Variants in CDH18 observed in about 807,000 individuals in gnomAD.
The protein encoded by CDH18 is cadherin-18.
A neutral mutation model predicts 67.9 loss-of-function variants in CDH18; 31 were observed. That is an observed-to-expected ratio of 0.46 (90% CI 0.34 to 0.62). The LOEUF is 0.62. Among genes scored for constraint, CDH18 ranks in the 20% least tolerant of loss-of-function variants. The pLI, the probability that CDH18 is intolerant of heterozygous loss-of-function variation, is 0.01. For missense variants in CDH18, 890 were observed against 975.5 expected, an observed-to-expected ratio of 0.91 and a Z score of 1.17; for synonymous variants, 362 against 347.2, an observed-to-expected ratio of 1.04 and a Z score of -0.48.
In CDH18 at chr5:19,576,645, T is replaced by C. The variant is rs541176436; in HGVS notation, c.1000-4813A>G. Among the ~76,000 whole-genome samples the C allele has an allele frequency of 2.6e-5, 4 of 152,264 alleles. No homozygotes were observed. The East Asian group carries it at 7.7e-4, about 29-fold the overall frequency. Reference sequence around the variant, plus strand: ...AAGGAAACACAGGACTGTGGTTTTGTAAATTAGTACAGCCATTTTGGAAAA... The same window carrying C: ...AAGGAAACACAGGACTGTGGTTTTGCAAATTAGTACAGCCATTTTGGAAAA... On this transcript the variant is annotated intron_variant, in intron 7 of 12. Coordinates refer to ENST00000382275, the MANE Select transcript of CDH18 (RefSeq NM_004934.5).
rs1418042662 is a variant in CDH18, at chr5:19,579,033, T to A, written c.1000-7201A>T. ...TTTTACTAAATATTCTATAGGCGCT[T>A]GAATTAAATGATATAGCCCCAGAAT... On this transcript the variant is annotated intron_variant, in intron 7 of 12. Coordinates refer to ENST00000382275, the MANE Select transcript of CDH18 (RefSeq NM_004934.5). Among the ~76,000 whole-genome samples, 4 of 151,990 alleles carry A rather than the reference T, an allele frequency of 2.6e-5. No homozygotes were observed. In the East Asian group the frequency reaches 7.7e-4, roughly 29 times the overall value.
intron 6 of CDH18, among the ~76,000 whole-genome samples, chr5:19,594,891 C>T (rs1297731788): frequency 6.6e-6 from 1 of 151,712 alleles, no homozygotes; most frequent in Non-Finnish European, 1.5e-5. Context: ...GCAAGGATGC[C>T]CACTCTTACC....
intron 1 of CDH18, among the ~76,000 whole-genome samples, chr5:20,523,263 T>G (rs1755854819): frequency 6.6e-6 from 1 of 152,208 alleles, no homozygotes; most frequent in Non-Finnish European, 1.5e-5. Flanking sequence ...CTTTCTATTC[T>G]TTGCAATCAG....
intron 2 of CDH18, among the ~76,000 whole-genome samples, chr5:20,123,821 A>G (rs2126432781): frequency 7.0e-6 from 1 of 142,928 alleles, no homozygotes; most frequent in South Asian, 2.3e-4. Flanking sequence ...CCGGAGGCGG[A>G]GCTTGCAGTG....
rs552698664 is a variant in CDH18, at chr5:20,179,797, A to G, written c.-518+75647T>C. On this transcript the variant is annotated intron_variant, in intron 2 of 14. Coordinates refer to the CDH18 transcript ENST00000507958. ...CCCATTTTTATCCCTGTAGCTCTCA[A>G]TAATTGGCTAAAGGTGAAGACAGAC... 2.6e-5 allele frequency among the ~76,000 whole-genome samples: 4 copies of G among 152,224 alleles called. No homozygotes were observed. The South Asian group carries it at 6.2e-4, about 24-fold the overall frequency.
intron 2 of CDH18, among the ~76,000 whole-genome samples, chr5:19,971,858 AAG>A (rs35822383): frequency 0.5 from 63,086 of 126,698 alleles, 15,347 homozygotes; most frequent in Middle Eastern, 0.67. Context: ...TAAAAAAAAA[AAG>A]AGAGAGAGAG....
At chr5:19,988,976 C>T (rs1399485886), upstream of CDH18, among the ~76,000 whole-genome samples, 1 of 152,288 alleles carries the variant, frequency 6.6e-6, no homozygotes, top group Non-Finnish European at 1.5e-5. Flanking sequence ...GAAACCTACA[C>T]ACACACAAAC....
intron 1 of CDH18, among the ~76,000 whole-genome samples, chr5:20,325,568 C>G (rs781568685): frequency 5.9e-5 from 9 of 152,048 alleles, no homozygotes; most frequent in Non-Finnish European, 1.2e-4. Context: ...TCTTAGGGAT[C>G]TTTTCACTAT....
chr5:20,353,980 G>A (rs1393677569), intron 1 of CDH18, among the ~76,000 whole-genome samples: 1 of 152,128 alleles, frequency 6.6e-6, no homozygotes, highest in Non-Finnish European at 1.5e-5. Context: ...TTCTTTTTAA[G>A]GAGAAGCACG....
intron 3 of CDH18, among the ~76,000 whole-genome samples, chr5:19,783,477 A>G (rs958703056): frequency 1.6e-4 from 25 of 152,194 alleles, no homozygotes; most frequent in Admixed American, 1.2e-3. Context: ...AATGTGCCTG[A>G]CAGGAGTTTA....
chr5:20,182,597 CAA>C (rs778083062), intron 2 of CDH18, among the ~76,000 whole-genome samples: 34 of 47,402 alleles, frequency 7.2e-4, no homozygotes, highest in Middle Eastern at 0.011. Flanking sequence ...AGCTAAATCT[CAA>C]AAAAAAAAAA....
chr5:20,558,939 A>G (rs1298136925), intron 1 of CDH18, among the ~76,000 whole-genome samples: 1 of 151,682 alleles, frequency 6.6e-6, no homozygotes, highest in Non-Finnish European at 1.5e-5. Flanking sequence ...AAATAAAGTC[A>G]ACTCTGATAG....
intron 1 of CDH18, among the ~76,000 whole-genome samples, chr5:20,276,215 T>C (rs1484612355): frequency 6.6e-6 from 1 of 152,152 alleles, no homozygotes; most frequent in Non-Finnish European, 1.5e-5. Context: ...GGTGACCAAG[T>C]GAGTACTTGT....
chr5:20,032,478 A>C (rs529846269), intron 2 of CDH18, among the ~76,000 whole-genome samples: 1 of 152,180 alleles, frequency 6.6e-6, no homozygotes, highest in South Asian at 2.1e-4. Flanking sequence ...TATGAAATCA[A>C]GATTTGGAGA....
chr5:20,343,011 T>TA lies in CDH18; in HGVS notation c.-579-87507dup, dbSNP rs200249737. ...GCACCTGCATCTTTGAAGAGCCCTA[T>TA]AATTGCTTTTCTCTGTATGTCAGAT... is the stretch of plus-strand genomic sequence containing the variant. On this transcript the variant is annotated intron_variant, in intron 1 of 14. Transcript: ENST00000507958. Among the ~76,000 whole-genome samples, 683 of 152,298 alleles carry TA rather than the reference T, an allele frequency of 4.5e-3. 6 individuals are homozygous for TA. The highest frequency in any genetic ancestry group is 0.016 in the African/African-American group (652 of 41,574).
chr5:19,758,852 G>T (rs1395145825), intron 3 of CDH18, among the ~76,000 whole-genome samples: 2 of 152,198 alleles, frequency 1.3e-5, no homozygotes, highest in East Asian at 1.9e-4. Flanking sequence ...CACTGTGTTT[G>T]CTCTTTCTTG....
chr5:20,324,850 T>C (rs1277505790), intron 1 of CDH18, among the ~76,000 whole-genome samples: 1 of 152,218 alleles, frequency 6.6e-6, no homozygotes, highest in Non-Finnish European at 1.5e-5. Context: ...GATTTCAGCA[T>C]TACTTTTCTA....
intron 2 of CDH18, among the ~76,000 whole-genome samples, chr5:20,142,438 G>A (rs1750316328): frequency 6.6e-6 from 1 of 151,754 alleles, no homozygotes; most frequent in African/African-American, 2.4e-5. Flanking sequence ...AAATTGGCCC[G>A]GCGTGGTGGC....
intron 1 of CDH18, among the ~76,000 whole-genome samples, chr5:20,376,563 TAAA>T (rs529874090): frequency 6.0e-5 from 8 of 134,442 alleles, no homozygotes; most frequent in Non-Finnish European, 6.4e-5. Context: ...TTTGCTTAAT[TAAA>T]AAAAAAAAAA....
Sources: allele counts gnomAD v4.1 joint callset (sites outside exome capture counted in the v4.1 genomes callset), GRCh38; gene constraint gnomAD v4.1.1; transcripts MANE v1.5; gene names NCBI Gene and HGNC (gene_info 2026-07-23, HGNC 2026-07-21).